The following KIF1A variants were observed in gnomAD, a reference collection of about 807,000 sequenced individuals.
KIF1A encodes the protein kinesin family member 1A.
A neutral mutation model predicts 227.3 loss-of-function variants in KIF1A; 46 were observed. The ratio of observed to expected loss-of-function variants is 0.20; its 90% CI spans 0.16 to 0.26. KIF1A has a LOEUF of 0.26. KIF1A is among the 10% of genes least tolerant of loss of function. KIF1A has a pLI of 1.00. For missense variants in KIF1A, 1,683 were observed against 2,485.9 expected, an observed-to-expected ratio of 0.68 and a Z score of 6.87; for synonymous variants, 1,022 against 1,012.8, an observed-to-expected ratio of 1.01 and a Z score of -0.17.
At chr2:240,737,300 G>A (rs2047450838) in intron 37 of KIF1A, 132 bp from the exon 38 acceptor site, 13 of 716,298 alleles carry the variant, frequency 1.8e-5, no homozygotes, top group South Asian at 1.4e-4. Context: ...CAAAGGCGGT[G>A]CCAGGGGGAA....
chr2:240,771,699 G>A (rs1226849132), intron 14 of KIF1A, among the ~76,000 whole-genome samples: 9 of 152,158 alleles, frequency 5.9e-5, no homozygotes, highest in Admixed American at 5.9e-4. Context: ...CCGAGCTGTG[G>A]GGCCAGGCTG....
rs546866622 is a variant in KIF1A, at chr2:240,776,030, C to T, written c.883-104G>A. On this transcript the variant is annotated intron_variant, in intron 10 of 48. Coordinates refer to ENST00000498729, the MANE Select transcript of KIF1A (RefSeq NM_001244008.2). ...CCAAGTGGGTCCTCAAAGCTGGAGG[C>T]TGGGCAAGGGGCGGGGCCCGCTCTG... The T allele has an allele frequency of 4.5e-3, 3,642 of 807,602 alleles. 27 individuals are homozygous for T. The highest frequency in any genetic ancestry group is 0.012 in the Middle Eastern group (47 of 3,820). The allele number at this position is 807,602 out of a possible 1,614,324, so 50.0% of individuals were successfully genotyped here.
At chr2:240,762,199 C>A (rs901036510) in intron 23 of KIF1A, among the ~76,000 whole-genome samples, 1 of 152,238 alleles carries the variant, frequency 6.6e-6, no homozygotes, top group Non-Finnish European at 1.5e-5. Flanking sequence ...GGTGCAAACC[C>A]CTCCCCACCT....
intron 1 of KIF1A, among the ~76,000 whole-genome samples, chr2:240,818,308 G>C (rs902136563): frequency 6.6e-6 from 1 of 152,174 alleles, no homozygotes; most frequent in Non-Finnish European, 1.5e-5. Context: ...TTCACCCCGG[G>C]TAAAGGCTGC....
At position 240,725,298 on chromosome 2, in the gene KIF1A, C is replaced by A. The variant is rs754172009; in HGVS notation, c.4229G>T (p.Gly1410Val). The A allele has an allele frequency of 2.2e-5, 35 of 1,608,186 alleles. No homozygotes were observed. The South Asian group carries it at 3.9e-4, about 18-fold the overall frequency. ...CTCTGAGGCCCGAAGGCTCCCACTGCCAAAGAGGTTGCGGATGGAGCGCGA... is the reference window on the plus strand; with the variant it reads ...CTCTGAGGCCCGAAGGCTCCCACTGACAAAGAGGTTGCGGATGGAGCGCGA... ...PASRSIRNLF[G>V]SGSLRASESN... is the part of the protein sequence containing the mutation. The change falls in exon 40 of 49, where the codon GGC becomes GTC. Residue 1410 changes from glycine to valine, a missense_variant. Coordinates refer to ENST00000498729, the MANE Select transcript of KIF1A (RefSeq NM_001244008.2). The surrounding 1 kb of genome is among the most constrained non-coding windows in gnomAD (Gnocchi z 5.8).
At position 240,807,078 on chromosome 2, in the gene KIF1A, ATGTGTGTGTG is replaced by A. The variant is rs67918205; in HGVS notation, c.-60-9276_-60-9267del. On this transcript the variant is annotated intron_variant, in intron 1 of 48. Transcript: ENST00000498729. ...ATTTGACCTACACATCCTCATATATATGTGTGTGTGTGTGTGTGTGTGTGTGTGTGTGTGT... is the reference window on the plus strand; with the variant it reads ...ATTTGACCTACACATCCTCATATATATGTGTGTGTGTGTGTGTGTGTGTGT... Among the ~76,000 whole-genome samples the A allele has an allele frequency of 7.6e-3, 725 of 95,194 alleles. 9 individuals are homozygous for A. Among genetic ancestry groups the A allele is most frequent in the South Asian group, 0.014 (39 of 2,824 alleles). 62.5% of individuals were successfully genotyped at this position (95,194 alleles called of 152,430 possible).
intron 28 of KIF1A, among the ~76,000 whole-genome samples, chr2:240,747,782 C>T (rs147547844): frequency 1.5e-3 from 228 of 152,310 alleles, no homozygotes; most frequent in African/African-American, 4.7e-3. Context: ...CGCCCCTCCA[C>T]GCAACTCCCC....
In KIF1A at chr2:240,788,030, C is replaced by CCCCCCCCCCCCCCCTCGT; in HGVS notation, c.363+20_363+21insACGAGGGGGGGGGGGGGG. The CCCCCCCCCCCCCCCTCGT allele has an allele frequency of 2.0e-6, 3 of 1,489,692 alleles. No homozygotes were observed. The highest frequency in any genetic ancestry group is 2.7e-6 in the Non-Finnish European group (3 of 1,092,892). 92.3% of individuals were successfully genotyped at this position (1,489,692 alleles called of 1,614,324 possible). On this transcript the variant is annotated intron_variant, in intron 4 of 48. Coordinates refer to ENST00000498729, the MANE Select transcript of KIF1A (RefSeq NM_001244008.2). The surrounding 1 kb of genome is among the most constrained non-coding windows in gnomAD (Gnocchi z 6.6). Reference sequence around the variant, plus strand: ...CCGCCCCATCTGCCAGGGCTGCCCCCGCCCGCCCCCCGCTTCGTGCCTGTG... The same window carrying CCCCCCCCCCCCCCCTCGT: ...CCGCCCCATCTGCCAGGGCTGCCCCCCCCCCCCCCCCCCCTCGTGCCCGCCCCCCGCTTCGTGCCTGTG...
intron 34 of KIF1A, among the ~76,000 whole-genome samples, chr2:240,741,881 C>T (rs548761902): frequency 6.6e-6 from 1 of 152,360 alleles, no homozygotes; most frequent in South Asian, 2.1e-4. Flanking sequence ...GTGTCCAGCT[C>T]CTGACAAACA....
At chr2:240,735,202 C>T (rs1336180645) in intron 38 of KIF1A, among the ~76,000 whole-genome samples, 1 of 152,182 alleles carries the variant, frequency 6.6e-6, no homozygotes, top group Non-Finnish European at 1.5e-5. Context: ...TCGGGGAGGC[C>T]GCGCCCACGC....
At chr2:240,763,415 G>A in intron 20 of KIF1A, 69 bp from the exon 21 acceptor site, 1 of 1,423,758 alleles carries the variant, frequency 7.0e-7, no homozygotes, top group Non-Finnish European at 9.5e-7. Flanking sequence ...CTCAAGCGGG[G>A]AGGCGTGAGG....
chr2:240,771,370 C>G (rs546293700), intron 14 of KIF1A: 1 of 539,538 alleles, frequency 1.9e-6, no homozygotes, highest in African/African-American at 1.9e-5. Context: ...TACGATGGGA[C>G]GGGGCCAGCA....
intron 13 of KIF1A, among the ~76,000 whole-genome samples, chr2:240,772,822 C>A (rs758023514): frequency 1.3e-5 from 2 of 152,238 alleles, no homozygotes; most frequent in Non-Finnish European, 2.9e-5. Context: ...CTCTGGCCCA[C>A]TTGCATCAGC....
chr2:240,749,873 C>T (rs1428096707), intron 28 of KIF1A, among the ~76,000 whole-genome samples: 1 of 152,214 alleles, frequency 6.6e-6, no homozygotes, highest in Non-Finnish European at 1.5e-5. Flanking sequence ...GCCTGAGAGA[C>T]CAGGGAATGC....
At position 240,725,534 on chromosome 2, in the gene KIF1A, G is replaced by A. The variant is rs1168130687; in HGVS notation, c.4123-130C>T. The A allele has an allele frequency of 9.0e-6, 9 of 998,696 alleles. No homozygotes were observed. Among genetic ancestry groups the A allele is most frequent in the Middle Eastern group, 2.8e-4 (1 of 3,556 alleles). The allele number at this position is 998,696 out of a possible 1,614,324, so 61.9% of individuals were successfully genotyped here. A position where few individuals can be genotyped will look rare whatever the true frequency, so the allele number is the denominator to read the frequency against. ...CCAGGGCCTTCCCAGGGCCTCAGGT[G>A]TGGCCTGGACGCAGGCAGGAGAAAG... On this transcript the variant is annotated intron_variant, in intron 39 of 48. Transcript: ENST00000498729. This position sits in a 1 kb window ranked among gnomAD's most constrained non-coding sequence, Gnocchi z 5.8.
At chr2:240,768,428 C>T (rs1021559424) in intron 17 of KIF1A, among the ~76,000 whole-genome samples, 13 of 152,372 alleles carry the variant, frequency 8.5e-5, no homozygotes, top group African/African-American at 2.9e-4. Context: ...GGAGCACAGC[C>T]CTGCCCAGCC....
chr2:240,747,534 G>C (rs1298190943), intron 28 of KIF1A, among the ~76,000 whole-genome samples: 1 of 152,202 alleles, frequency 6.6e-6, no homozygotes, highest in East Asian at 1.9e-4. Flanking sequence ...CCCCAAAGCA[G>C]CCACGGCCTC....
intron 1 of KIF1A, among the ~76,000 whole-genome samples, chr2:240,805,038 G>T (rs1282876214): frequency 1.5e-4 from 19 of 125,780 alleles, no homozygotes; most frequent in African/African-American, 5.8e-4. Flanking sequence ...GAGGGGAGGG[G>T]AGGGAAGTGG....
At position 240,786,721 on chromosome 2, in the gene KIF1A, AG is replaced by A. The variant is rs74218026; in HGVS notation, c.430-209del. Among the ~76,000 whole-genome samples the A allele has an allele frequency of 0.076, 8,220 of 108,162 alleles. 683 individuals are homozygous for A. The highest frequency in any genetic ancestry group is 0.094 in the Non-Finnish European group (4,791 of 51,148). The allele number at this position is 108,162 out of a possible 152,430, so 71.0% of individuals were successfully genotyped here. A position where few individuals can be genotyped will look rare whatever the true frequency, so the allele number is the denominator to read the frequency against. ...GAGCCAGCATCAGGACCCCTGAGTG[AG>A]GGGGTGGGGGCTGCCTGCTGGGCCC... On this transcript the variant is annotated intron_variant, in intron 5 of 48. Transcript: ENST00000498729.
Sources: allele counts gnomAD v4.1 joint callset (sites outside exome capture counted in the v4.1 genomes callset), GRCh38; gene constraint gnomAD v4.1.1; non-coding constraint Gnocchi (gnomAD v3.1); transcripts MANE v1.5; gene names NCBI Gene and HGNC (gene_info 2026-07-23, HGNC 2026-07-21).